FNBP1: variants seen among roughly 807,000 people sequenced by gnomAD.
FNBP1 encodes formin binding protein 1.
Under a neutral mutation model 90.6 loss-of-function variants are expected in FNBP1, and 26 were observed. The observed-to-expected ratio is 0.29, with a 90% CI of 0.21 to 0.40. The LOEUF (loss-of-function observed/expected upper bound fraction) is 0.40. Among genes scored for constraint, FNBP1 ranks in the 10% least tolerant of loss-of-function variants. The probability of loss-of-function intolerance (pLI) is 1.00; values close to 1 mark genes in which losing one functional copy is unlikely to be tolerated. For synonymous variants in FNBP1, 260 were observed against 265.2 expected (o/e 0.98, Z 0.19); for missense variants, 635 against 768.0 (o/e 0.83, Z 2.05).
In FNBP1 at chr9:130,002,028, CAAA is replaced by C. The variant is rs56320987; in HGVS notation, c.25-7073_25-7071del. 5.2e-3 allele frequency among the ~76,000 whole-genome samples: 434 copies of C among 83,090 alleles called. 1 individual carries two copies. Among genetic ancestry groups the C allele is most frequent in the Non-Finnish European group, 5.9e-3 (249 of 42,232 alleles). 54.5% of individuals were successfully genotyped at this position (83,090 alleles called of 152,430 possible). On this transcript the variant is annotated intron_variant, in intron 1 of 16. Coordinates refer to ENST00000446176, the MANE Select transcript of FNBP1 (RefSeq NM_015033.3). Reference sequence around the variant, plus strand: ...GGGCAACAGAGTAAGACTTCTGCCTCAAAAAAAAAAAAAAAAAAAGCCGGGCAT... The same window carrying C: ...GGGCAACAGAGTAAGACTTCTGCCTCAAAAAAAAAAAAAAAAGCCGGGCAT...
At chr9:129,996,905 G>A (rs892138329) in intron 1 of FNBP1, among the ~76,000 whole-genome samples, 1 of 152,014 alleles carries the variant, frequency 6.6e-6, no homozygotes, top group Non-Finnish European at 1.5e-5. Flanking sequence ...ATGATGCCCA[G>A]GCTGGTCTTG....
rs1386178572 is a variant in FNBP1 at position 129,900,263 on chromosome 9, T to G, written c.1551-162A>C. ...GCACGCTCAGATCACCCATCCCATG[T>G]GGAATTATAAATCTGCATCATGGAA... On this transcript the variant is annotated intron_variant, in intron 14 of 16. Coordinates refer to ENST00000446176, the MANE Select transcript of FNBP1 (RefSeq NM_015033.3). The surrounding 1 kb of genome is among the most constrained non-coding windows in gnomAD (Gnocchi z 4.1). 6.6e-6 allele frequency among the ~76,000 whole-genome samples: 1 copy of G among 152,204 alleles called. No homozygotes were observed. The highest frequency in any genetic ancestry group is 1.9e-4 in the East Asian group (1 of 5,188).
Position 129,906,041 on chromosome 9 carries a change from G to A in FNBP1, c.1295+2849C>T, listed in dbSNP as rs370470600. Among the ~76,000 whole-genome samples, 417 of 151,914 alleles carry A rather than the reference G, an allele frequency of 2.7e-3. 2 individuals are homozygous for A. The highest frequency in any genetic ancestry group is 8.9e-3 in the African/African-American group (370 of 41,418). On this transcript the variant is annotated intron_variant, in intron 12 of 16. Transcript: ENST00000446176. ...TGGGATTACAGACATGCGCCACCACGCCTGGCTAATTTTGTATTTTTAGTA... is the reference window on the plus strand; with the variant it reads ...TGGGATTACAGACATGCGCCACCACACCTGGCTAATTTTGTATTTTTAGTA...
At chr9:129,980,771 G>A (rs1465285269) in intron 2 of FNBP1, among the ~76,000 whole-genome samples, 1 of 151,426 alleles carries the variant, frequency 6.6e-6, no homozygotes, top group Non-Finnish European at 1.5e-5. Context: ...AGCCATAGCA[G>A]CCAGGCACGG....
intron 1 of FNBP1, among the ~76,000 whole-genome samples, chr9:130,024,997 T>C (rs557039843): frequency 1.9e-4 from 29 of 151,756 alleles, no homozygotes; most frequent in Non-Finnish European, 3.5e-4. Context: ...CTGGCCAACA[T>C]AGTGAAACCC....
upstream of FNBP1, among the ~76,000 whole-genome samples, chr9:130,047,988 T>A (rs751013458): frequency 1.6e-4 from 24 of 152,122 alleles, no homozygotes; most frequent in Admixed American, 5.9e-4. Context: ...TTCTGCAAGT[T>A]ACTTACATTA....
chr9:129,983,459 T>A (rs1437104839), intron 2 of FNBP1, among the ~76,000 whole-genome samples: 1 of 152,158 alleles, frequency 6.6e-6, no homozygotes, highest in African/African-American at 2.4e-5. Flanking sequence ...AAAAAAAAGA[T>A]CAACTTTCCA....
At position 129,914,755 on chromosome 9, in the gene FNBP1, GTCTATATATATATATATATATA is replaced by G. The variant is rs1198852489; in HGVS notation, c.1185+1189_1185+1210del. ...AAAAATTATGTATATACATACATATGTCTATATATATATATATATATATATATATATATATATATCTCACCAT... is the reference window on the plus strand; with the variant it reads ...AAAAATTATGTATATACATACATATGTATATATATATATATATCTCACCAT... On this transcript the variant is annotated intron_variant, in intron 11 of 16. Transcript: ENST00000446176. 6.8e-4 allele frequency among the ~76,000 whole-genome samples: 67 copies of G among 98,436 alleles called. 4 individuals are homozygous for G. Among genetic ancestry groups the G allele is most frequent in the East Asian group, 1.2e-3 (3 of 2,590 alleles). The allele number at this position is 98,436 out of a possible 152,430, so 64.6% of individuals were successfully genotyped here.
intron 1 of FNBP1, among the ~76,000 whole-genome samples, chr9:130,032,950 C>G (rs2058933903): frequency 6.6e-6 from 1 of 152,112 alleles, no homozygotes; most frequent in African/African-American, 2.4e-5. Context: ...CAACGATTTC[C>G]AGGCATTTTC....
chr9:130,021,778 G>T lies in FNBP1; in HGVS notation c.24+21174C>A, dbSNP rs536516313. On this transcript the variant is annotated intron_variant, in intron 1 of 16. Coordinates refer to ENST00000446176, the MANE Select transcript of FNBP1 (RefSeq NM_015033.3). ...AATTGTTTTATACAGCATTTGCATTGGCTTTTAAATTTCCAAACACCAAGG... is the reference window on the plus strand; with the variant it reads ...AATTGTTTTATACAGCATTTGCATTTGCTTTTAAATTTCCAAACACCAAGG... Among the ~76,000 whole-genome samples the T allele has an allele frequency of 3.9e-5, 6 of 152,228 alleles. No homozygotes were observed. The East Asian group carries it at 1.2e-3, about 29-fold the overall frequency.
rs769413203 is a variant in FNBP1 at position 129,900,417 on chromosome 9, A to T, written c.1550+9T>A. ...CTTGCCAGAGGCAGGCGCTGTGCAG[A>T]TACTGTACCTCTCACGGTCCTGGGC... On this transcript the variant is annotated intron_variant, in intron 14 of 16. Transcript: ENST00000446176. This position sits in a 1 kb window ranked among gnomAD's most constrained non-coding sequence, Gnocchi z 4.1. 1 of 1,571,342 alleles carries T rather than the reference A, an allele frequency of 6.4e-7. No individual in the cohort carries two copies. Among genetic ancestry groups the T allele is most frequent in the African/African-American group, 1.4e-5 (1 of 72,902 alleles).
At chr9:129,951,188 C>T (rs2046112702) in intron 6 of FNBP1, among the ~76,000 whole-genome samples, 3 of 151,924 alleles carry the variant, frequency 2.0e-5, no homozygotes, top group African/African-American at 7.2e-5. Flanking sequence ...AACCCCTGAT[C>T]TCAGGTGATC....
chr9:130,015,077 T>C (rs189109461), intron 1 of FNBP1, among the ~76,000 whole-genome samples: 34 of 152,228 alleles, frequency 2.2e-4, no homozygotes, highest in Middle Eastern at 3.4e-3. Flanking sequence ...AAATAAAATG[T>C]TCTTAAAAGA....
chr9:129,943,971 C>T lies in FNBP1; in HGVS notation c.513+13389G>A, dbSNP rs753137913. ...CTGCACCACTGCACTCCAGCCTGGGCGACAGAGCGAGACTCCATCTCAAAA... is the reference window on the plus strand; with the variant it reads ...CTGCACCACTGCACTCCAGCCTGGGTGACAGAGCGAGACTCCATCTCAAAA... On this transcript the variant is annotated intron_variant, in intron 6 of 16. Transcript: ENST00000446176. Among the ~76,000 whole-genome samples, 303 of 111,704 alleles carry T rather than the reference C, an allele frequency of 2.7e-3. 6 individuals are homozygous for T. Among genetic ancestry groups the T allele is most frequent in the Non-Finnish European group, 8.9e-4 (53 of 59,820 alleles). 73.3% of individuals were successfully genotyped at this position (111,704 alleles called of 152,430 possible).
At chr9:129,914,379 G>T (rs1328471907) in intron 11 of FNBP1, among the ~76,000 whole-genome samples, 1 of 151,920 alleles carries the variant, frequency 6.6e-6, no homozygotes, top group Non-Finnish European at 1.5e-5. Context: ...ATGATATAAA[G>T]CAACAATTCA....
chr9:129,893,568 G>A (rs1471208941), intron 16 of FNBP1, among the ~76,000 whole-genome samples: 1 of 122,592 alleles, frequency 8.2e-6, no homozygotes. Context: ...AGCCAGGATT[G>A]TATCATTGCC....
chr9:129,931,400 A>G (rs1479552581), intron 6 of FNBP1, among the ~76,000 whole-genome samples: 1 of 151,898 alleles, frequency 6.6e-6, no homozygotes, highest in Non-Finnish European at 1.5e-5. Context: ...TCAGGAGATC[A>G]AGACCATCCT....
At chr9:129,996,038 G>A (rs1225418538) in intron 1 of FNBP1, among the ~76,000 whole-genome samples, 1 of 152,150 alleles carries the variant, frequency 6.6e-6, no homozygotes, top group South Asian at 2.1e-4. Context: ...GGCTGGCAAG[G>A]GTATGAGGGG....
intron 12 of FNBP1, among the ~76,000 whole-genome samples, chr9:129,908,194 GTC>G (rs1205833114): frequency 9.7e-6 from 1 of 103,550 alleles, no homozygotes; most frequent in Non-Finnish European, 2.0e-5. Flanking sequence ...GCCAAGGCTG[GTC>G]TCTCTCTCTT....
Sources: gnomAD v4.1 joint callset for allele counts (sites outside exome capture counted in the v4.1 genomes callset) on GRCh38, gnomAD v4.1.1 for gene constraint, Gnocchi (gnomAD v3.1) non-coding constraint, MANE v1.5 for transcripts, NCBI Gene and HGNC (gene_info 2026-07-23, HGNC 2026-07-21) for gene names.